FBXO4: variants seen among roughly 807,000 people sequenced by gnomAD.
FBXO4 encodes the protein F-box only protein 4.
Under a neutral mutation model 43.7 loss-of-function variants are expected in FBXO4, and 36 were observed. That is an observed-to-expected ratio of 0.82 (90% confidence interval 0.63 to 1.09). The LOEUF (loss-of-function observed/expected upper bound fraction) is 1.09. Among genes scored for constraint, FBXO4 ranks in the 50% least tolerant of loss-of-function variants. FBXO4 has a pLI of 0.00. For missense variants in FBXO4, 435 were observed against 474.1 expected (o/e 0.92, Z 0.77); for synonymous variants, 180 against 165.6 (o/e 1.09, Z -0.67).
chr5:42,005,378 C>A, the FBXO4 span, among the ~76,000 whole-genome samples: 1 of 152,152 alleles, frequency 6.6e-6, no homozygotes, highest in African/African-American at 2.4e-5. Context: ...GCAGTGCTTC[C>A]AACTTGGCTT....
the FBXO4 span, among the ~76,000 whole-genome samples, chr5:41,975,706 T>G: frequency 6.6e-6 from 1 of 152,246 alleles, no homozygotes; most frequent in African/African-American, 2.4e-5. Flanking sequence ...ATTTAACATC[T>G]TAACCATTGT....
At chr5:42,036,354 A>C in the FBXO4 span, among the ~76,000 whole-genome samples, 1 of 152,120 alleles carries the variant, frequency 6.6e-6, no homozygotes, top group Non-Finnish European at 1.5e-5. Flanking sequence ...AAAATGGCTT[A>C]CATAGGTATC....
intron 3 of FBXO4, among the ~76,000 whole-genome samples, chr5:41,932,398 G>A (rs1413907601): frequency 6.6e-6 from 1 of 152,180 alleles, no homozygotes; most frequent in Non-Finnish European, 1.5e-5. Flanking sequence ...GGAGGACTAG[G>A]ATCACATGGC....
chr5:42,007,804 G>A, the FBXO4 span, among the ~76,000 whole-genome samples: 4 of 151,994 alleles, frequency 2.6e-5, no homozygotes, highest in Admixed American at 6.6e-5. Flanking sequence ...GTGGAGTGGC[G>A]CCAACATATA....
At chr5:42,013,068 G>T in the FBXO4 span, among the ~76,000 whole-genome samples, 5 of 152,116 alleles carry the variant, frequency 3.3e-5, no homozygotes, top group Admixed American at 1.3e-4. Context: ...ACTTTGAAAG[G>T]CCAAGGCAGG....
chr5:41,968,567 C>T, the FBXO4 span, among the ~76,000 whole-genome samples: 2 of 152,126 alleles, frequency 1.3e-5, no homozygotes, highest in Non-Finnish European at 2.9e-5. Context: ...AGTAGCTGGG[C>T]AAATGCTTTT....
chr5:41,996,156 T>C, the FBXO4 span, among the ~76,000 whole-genome samples: 3 of 152,314 alleles, frequency 2.0e-5, no homozygotes, highest in East Asian at 5.8e-4. Flanking sequence ...CACTTCCTCA[T>C]GTAACTTACT....
At position 41,941,334 on chromosome 5, in the gene FBXO4, C is replaced by A; in HGVS notation, c.*53C>A. 1 of 1,504,792 alleles carries A rather than the reference C, an allele frequency of 6.6e-7. No individual in the cohort carries two copies. Among genetic ancestry groups the A allele is most frequent in the South Asian group, 1.1e-5 (1 of 88,292 alleles). The allele number at this position is 1,504,792 out of a possible 1,614,324, so 93.2% of individuals were successfully genotyped here. A position where few individuals can be genotyped will look rare whatever the true frequency, so the allele number is the denominator to read the frequency against. ...ACCATTTGAAATTTATTACTAAGGT[C>A]GTGATGTGAATATTTGCTCAGTCAG... On this transcript the variant is annotated 3_prime_UTR_variant, in exon 7 of 7. Coordinates refer to ENST00000281623, the MANE Select transcript of FBXO4 (RefSeq NM_012176.3).
the FBXO4 span, among the ~76,000 whole-genome samples, chr5:41,988,145 C>T: frequency 6.6e-6 from 1 of 152,012 alleles, no homozygotes; most frequent in Non-Finnish European, 1.5e-5. Flanking sequence ...GTTGTATAGA[C>T]CTATGTTTAG....
At chr5:42,003,559 G>A in the FBXO4 span, among the ~76,000 whole-genome samples, 1 of 152,126 alleles carries the variant, frequency 6.6e-6, no homozygotes, top group Non-Finnish European at 1.5e-5. Flanking sequence ...TAGGGTACAT[G>A]TGCACAACGT....
the FBXO4 span, among the ~76,000 whole-genome samples, chr5:41,987,274 C>T: frequency 6.6e-6 from 1 of 152,006 alleles, no homozygotes; most frequent in Non-Finnish European, 1.5e-5. Context: ...ATAATGCAAC[C>T]ATCTCTCTTC....
Position 41,925,448 on chromosome 5 carries a change from AC to A in FBXO4, c.141del (p.Ser48HisfsTer12). The A allele has an allele frequency of 7.4e-7, 1 of 1,354,166 alleles. No individual in the cohort carries two copies. The highest frequency in any genetic ancestry group is 9.6e-7 in the Non-Finnish European group (1 of 1,046,436). 83.9% of individuals were successfully genotyped at this position (1,354,166 alleles called of 1,614,324 possible). A position where few individuals can be genotyped will look rare whatever the true frequency, so the allele number is the denominator to read the frequency against. On this transcript the variant is annotated frameshift_variant, in exon 1 of 7. Transcript: ENST00000281623. LOFTEE classifies it high-confidence loss of function. Reference sequence around the variant, plus strand: ...GAGCAAGGAGAGGGTGGCGCGTACGACCTCACGGGAGGAGGTGGATGAGGCG... The same window carrying A: ...GAGCAAGGAGAGGGTGGCGCGTACGACTCACGGGAGGAGGTGGATGAGGCG... The part of the protein sequence containing the change: ...SVSKERVART[T>X]SREEVDEAAS...
At chr5:41,981,756 AT>A in the FBXO4 span, among the ~76,000 whole-genome samples, 46 of 144,206 alleles carry the variant, frequency 3.2e-4, no homozygotes, top group African/African-American at 1.2e-3. Flanking sequence ...TAATATACAT[AT>A]TTTTATTGTA....
At chr5:41,978,746 T>TA in the FBXO4 span, among the ~76,000 whole-genome samples, 2 of 152,308 alleles carry the variant, frequency 1.3e-5, no homozygotes, top group African/African-American at 4.8e-5. Context: ...TTTTATTCAT[T>TA]AAAAAAACTT....
At chr5:41,948,841 A>G in the FBXO4 span, among the ~76,000 whole-genome samples, 1 of 152,128 alleles carries the variant, frequency 6.6e-6, no homozygotes, top group African/African-American at 2.4e-5. Context: ...CTGTTTCTGT[A>G]TGCCTCCAAA....
chr5:41,990,889 T>C, the FBXO4 span, among the ~76,000 whole-genome samples: 1 of 152,230 alleles, frequency 6.6e-6, no homozygotes, highest in Non-Finnish European at 1.5e-5. Flanking sequence ...ATATGCATTT[T>C]CTGCCCCCAC....
intron 5 of FBXO4, among the ~76,000 whole-genome samples, chr5:41,936,275 C>T (rs1472313815): frequency 6.6e-6 from 1 of 152,164 alleles, no homozygotes; most frequent in Non-Finnish European, 1.5e-5. Context: ...AGATCTAGGT[C>T]AGGTACAGTG....
At position 41,927,741 on chromosome 5, in the gene FBXO4, G is replaced by A. The variant is rs1035145084; in HGVS notation, c.425+493G>A. ...ACTGCAGTGTACTGGATTCTACGAG[G>A]GATGCTTTATGTATGTTTTACTCAT... is the stretch of plus-strand genomic sequence containing the variant. On this transcript the variant is annotated intron_variant, in intron 2 of 6. Coordinates refer to ENST00000281623, the MANE Select transcript of FBXO4 (RefSeq NM_012176.3). Among the ~76,000 whole-genome samples, 3 of 152,060 alleles carry A rather than the reference G, an allele frequency of 2.0e-5. No individual in the cohort carries two copies. The South Asian group carries it at 6.2e-4, about 32-fold the overall frequency.
chr5:41,976,147 C>A, the FBXO4 span, among the ~76,000 whole-genome samples: 1 of 152,164 alleles, frequency 6.6e-6, no homozygotes, highest in African/African-American at 2.4e-5. Context: ...CATCTCCCAC[C>A]AGGCCCCACG....
Sources: gnomAD v4.1 joint callset for allele counts (sites outside exome capture counted in the v4.1 genomes callset) on GRCh38, gnomAD v4.1.1 for gene constraint, MANE v1.5 for transcripts, NCBI Gene and HGNC (gene_info 2026-07-23, HGNC 2026-07-21) for gene names.